Variants in C12orf42 observed in about 807,000 individuals in gnomAD.
C12orf42 encodes the protein chromosome 12 open reading frame 42.
A neutral mutation model predicts 21.6 loss-of-function variants in C12orf42; 25 were observed. The observed-to-expected ratio is 1.16, with a 90% CI of 0.84 to 1.62. C12orf42 has a LOEUF of 1.62. Among genes scored for constraint, C12orf42 ranks in the 40% most tolerant of loss-of-function variants. C12orf42 has a pLI of 0.00. For synonymous variants in C12orf42, 174 were observed against 175.0 expected, an observed-to-expected ratio of 0.99 and a Z score of 0.05; for missense variants, 483 against 459.3, an observed-to-expected ratio of 1.05 and a Z score of -0.47.
At chr12:103,383,481 G>A (rs1030945234) in intron 3 of C12orf42, among the ~76,000 whole-genome samples, 1 of 152,102 alleles carries the variant, frequency 6.6e-6, no homozygotes, top group African/African-American at 2.4e-5. Flanking sequence ...AAATATATAG[G>A]TTGCTTCTGG....
At chr12:103,313,950 A>AGCAGG (rs1407039020) in intron 4 of C12orf42, among the ~76,000 whole-genome samples, 2 of 152,230 alleles carry the variant, frequency 1.3e-5, no homozygotes, top group Non-Finnish European at 2.9e-5. Context: ...AGGCGGCAAA[A>AGCAGG]GCAGGCCACA....
At chr12:103,102,787 G>A in the C12orf42 span, among the ~76,000 whole-genome samples, 1 of 152,046 alleles carries the variant, frequency 6.6e-6, no homozygotes, top group African/African-American at 2.4e-5. Context: ...CTCTACTCAG[G>A]GTCTCATGAG....
chr12:103,401,819 C>T, intron 2 of C12orf42, 144 bp from the exon 3 acceptor site: 1 of 746,850 alleles, frequency 1.3e-6, no homozygotes, highest in Admixed American at 2.4e-5. Flanking sequence ...CCGATATTGC[C>T]CACAACACTG....
At chr12:103,212,722 T>C in the C12orf42 span, among the ~76,000 whole-genome samples, 37 of 152,294 alleles carry the variant, frequency 2.4e-4, no homozygotes, top group African/African-American at 8.4e-4. Context: ...GTTATTAGCA[T>C]AGTTAATTCT....
the C12orf42 span, among the ~76,000 whole-genome samples, chr12:103,106,710 A>G: frequency 6.6e-6 from 1 of 151,928 alleles, no homozygotes; most frequent in African/African-American, 2.4e-5. Context: ...AAAAGAGGAG[A>G]AAAAAAGAAG....
intron 10 of C12orf42, among the ~76,000 whole-genome samples, chr12:103,244,511 G>A (rs1185552494): frequency 6.8e-6 from 1 of 147,312 alleles, no homozygotes; most frequent in Non-Finnish European, 1.5e-5. Context: ...TCTGTCAACT[G>A]TAAATATTCC....
At chr12:103,287,340 G>C (rs191384993) in intron 4 of C12orf42, among the ~76,000 whole-genome samples, 28 of 152,338 alleles carry the variant, frequency 1.8e-4, no homozygotes, top group Non-Finnish European at 3.4e-4. Flanking sequence ...TTAAGAAAAT[G>C]TGGCACATAG....
the C12orf42 span, among the ~76,000 whole-genome samples, chr12:103,225,686 AG>A: frequency 6.6e-6 from 1 of 152,166 alleles, no homozygotes; most frequent in East Asian, 1.9e-4. Flanking sequence ...ATAACTAAAA[AG>A]GAGTGCTTAA....
the C12orf42 span, among the ~76,000 whole-genome samples, chr12:103,184,331 A>C: frequency 6.6e-6 from 1 of 152,278 alleles, no homozygotes; most frequent in South Asian, 2.1e-4. Flanking sequence ...ATTTTCTTTA[A>C]AGTCTACTTT....
At chr12:103,158,202 C>A in the C12orf42 span, among the ~76,000 whole-genome samples, 86 of 152,222 alleles carry the variant, frequency 5.6e-4, no homozygotes, top group African/African-American at 1.9e-3. Context: ...TTGTTATTTT[C>A]TTGCAGATGG....
At chr12:103,304,841 T>C (rs1250131971) in intron 5 of C12orf42, among the ~76,000 whole-genome samples, 1 of 152,192 alleles carries the variant, frequency 6.6e-6, no homozygotes, top group African/African-American at 2.4e-5. Flanking sequence ...AGCCCCCTGC[T>C]TGAGCACTTC....
Position 103,419,772 on chromosome 12 carries a change from C to T in C12orf42, c.79-18097G>A, listed in dbSNP as rs574278526. On this transcript the variant is annotated intron_variant, in intron 2 of 5. Transcript: ENST00000548883. ...CCCTCTAGTCATTTCCATTCCTGGC[C>T]ACCTTGTGTGGATACCTCGTCATAG... 9.2e-5 allele frequency among the ~76,000 whole-genome samples: 14 copies of T among 152,252 alleles called. No individual in the cohort carries two copies. In the South Asian group the frequency reaches 2.3e-3, roughly 25 times the overall value.
At chr12:103,398,389 T>C (rs563741374) in intron 3 of C12orf42, among the ~76,000 whole-genome samples, 244 of 152,306 alleles carry the variant, frequency 1.6e-3, no homozygotes, top group Admixed American at 2.5e-3. Context: ...TACAAATTTG[T>C]GGGAATTCTA....
chr12:103,440,824 T>C (rs1382684660), intron 2 of C12orf42, among the ~76,000 whole-genome samples: 3 of 152,176 alleles, frequency 2.0e-5, no homozygotes, highest in Non-Finnish European at 4.4e-5. Flanking sequence ...AAAAAAGTGT[T>C]TAAATTCCTT....
At chr12:103,102,531 G>A in the C12orf42 span, among the ~76,000 whole-genome samples, 1 of 152,136 alleles carries the variant, frequency 6.6e-6, no homozygotes, top group East Asian at 1.9e-4. Context: ...TTCTGGTTGG[G>A]CCAGTAAAGT....
At chr12:103,164,170 C>T in the C12orf42 span, among the ~76,000 whole-genome samples, 1 of 152,200 alleles carries the variant, frequency 6.6e-6, no homozygotes, top group Non-Finnish European at 1.5e-5. Flanking sequence ...ATGTATGGTA[C>T]TGACCATAAG....
the C12orf42 span, among the ~76,000 whole-genome samples, chr12:103,113,979 T>G: frequency 6.6e-6 from 1 of 152,240 alleles, no homozygotes. Context: ...TAGATTTTTT[T>G]GTTAAATTAT....
chr12:103,174,708 T>C, the C12orf42 span, among the ~76,000 whole-genome samples: 2 of 152,148 alleles, frequency 1.3e-5, no homozygotes, highest in African/African-American at 4.8e-5. Flanking sequence ...TTATGATTCA[T>C]TTTTCTATCT....
Position 103,414,268 on chromosome 12 carries a change from C to T in C12orf42, c.79-12593G>A, listed in dbSNP as rs548841453. On this transcript the variant is annotated intron_variant, in intron 2 of 5. Transcript: ENST00000548883. ...GAGCATCTTTTCATATGTTTGTTGG[C>T]CATTTGCATATCTTCTTCTGAGAAC... is the stretch of plus-strand genomic sequence containing the variant. Among the ~76,000 whole-genome samples the T allele has an allele frequency of 2.0e-5, 3 of 152,112 alleles. No individual in the cohort carries two copies. The East Asian group carries it at 5.8e-4, about 29-fold the overall frequency.
Sources: allele counts gnomAD v4.1 joint callset (sites outside exome capture counted in the v4.1 genomes callset), GRCh38; gene constraint gnomAD v4.1.1; transcripts MANE v1.5; gene names NCBI Gene and HGNC (gene_info 2026-07-23, HGNC 2026-07-21).